SPOPL: variants seen among roughly 807,000 people sequenced by gnomAD.
The protein encoded by SPOPL is speckle type BTB/POZ protein like, also known as speckle-type POZ protein-like.
In SPOPL, 23 loss-of-function variants were observed where a neutral mutation model predicts 53.8. The ratio of observed to expected loss-of-function variants is 0.43; its 90% confidence interval spans 0.31 to 0.61. SPOPL has a LOEUF of 0.61. Among genes scored for constraint, SPOPL ranks in the 20% least tolerant of loss-of-function variants. SPOPL has a pLI of 0.12. For missense variants in SPOPL, 442 were observed against 466.9 expected (o/e 0.95, Z 0.49); for synonymous variants, 164 against 149.7 (o/e 1.10, Z -0.70).
intron 1 of SPOPL, among the ~76,000 whole-genome samples, chr2:138,511,742 G>A (rs1055348149): frequency 1.3e-5 from 2 of 152,110 alleles, no homozygotes; most frequent in African/African-American, 4.8e-5. Context: ...CTTGTTTTGT[G>A]GTTGTCACTC....
intron 5 of SPOPL, among the ~76,000 whole-genome samples, 192 bp from the exon 6 acceptor site, chr2:138,558,830 A>G (rs540633887): frequency 1.3e-5 from 2 of 152,104 alleles, no homozygotes; most frequent in Non-Finnish European, 2.9e-5. Context: ...AAAAAGATCT[A>G]TATTTCTAAT....
At chr2:138,564,584 A>G (rs566394727) in intron 8 of SPOPL, 124 bp from the exon 9 acceptor site, 26 of 1,128,698 alleles carry the variant, frequency 2.3e-5, no homozygotes, top group Non-Finnish European at 3.2e-5. Flanking sequence ...AGTAACTTAA[A>G]GAATTTTAAA....
At chr2:138,560,619 T>C in intron 7 of SPOPL, among the ~76,000 whole-genome samples, 186 bp from the exon 8 acceptor site, 1 of 152,146 alleles carries the variant, frequency 6.6e-6, no homozygotes, top group Non-Finnish European at 1.5e-5. Flanking sequence ...TTTGCCGAAG[T>C]ACTTAATGAA....
At chr2:138,516,591 T>C (rs1160137695) in intron 1 of SPOPL, among the ~76,000 whole-genome samples, 2 of 151,994 alleles carry the variant, frequency 1.3e-5, no homozygotes, top group African/African-American at 4.8e-5. Context: ...ATGATAGAAA[T>C]AGTGAAGAAA....
chr2:138,514,003 A>G (rs1198920320), intron 1 of SPOPL, among the ~76,000 whole-genome samples: 3 of 152,116 alleles, frequency 2.0e-5, no homozygotes, highest in Non-Finnish European at 2.9e-5. Context: ...GTAACATGCA[A>G]AGACATGCAC....
chr2:138,552,071 A>C (rs962970430), intron 4 of SPOPL, among the ~76,000 whole-genome samples: 5 of 152,036 alleles, frequency 3.3e-5, no homozygotes, highest in African/African-American at 1.2e-4. Flanking sequence ...TAGTTGAATA[A>C]AAAATCGGTG....
In SPOPL at chr2:138,564,728, G is replaced by A. The variant is rs2104906012; in HGVS notation, c.858G>A (p.Lys286=). The A allele has an allele frequency of 6.2e-7, 1 of 1,614,124 alleles. No individual in the cohort carries two copies. Among genetic ancestry groups the A allele is most frequent in the Non-Finnish European group, 8.5e-7 (1 of 1,179,998 alleles). ...GATAGTATGCACTGGAACGGCTGAA[G>A]GTCATGTGCGAAGAAGCTTTGTGTA... The part of the protein sequence containing the change: ...AADKYALERL[K]VMCEEALCSN... The change falls in exon 9 of 11, where the codon AAG becomes AAA. Residue 286 remains lysine (K), a synonymous_variant. Transcript: ENST00000280098.
chr2:138,523,995 G>A (rs1403346869), intron 1 of SPOPL, among the ~76,000 whole-genome samples: 4 of 152,128 alleles, frequency 2.6e-5, no homozygotes, highest in African/African-American at 9.7e-5. Context: ...TGTTGGGGGA[G>A]GGCTCTGACC....
intron 5 of SPOPL, among the ~76,000 whole-genome samples, chr2:138,554,717 G>T (rs1311184392): frequency 6.6e-6 from 1 of 152,160 alleles, no homozygotes; most frequent in African/African-American, 2.4e-5. Flanking sequence ...AAACTGGTTA[G>T]TTTAATTTAT....
At chr2:138,568,858 G>T in intron 10 of SPOPL, 78 bp from the exon 11 acceptor site, 2 of 1,491,372 alleles carry the variant, frequency 1.3e-6, no homozygotes, top group South Asian at 2.5e-5. Context: ...AAATTTGCAA[G>T]TTTTTAAGAA....
Position 138,502,087 on chromosome 2 carries a change from C to G in SPOPL, c.-93C>G, listed in dbSNP as rs1386148708. On this transcript the variant is annotated 5_prime_UTR_variant, in exon 1 of 11. Coordinates refer to ENST00000280098, the MANE Select transcript of SPOPL (RefSeq NM_001001664.3). ...CGCCTCAGCGGGAGAGGAGTCTCCA[C>G]CAGGACTGACCGCTGCCGCCCAGCA... 1 of 152,444 alleles carries G rather than the reference C, an allele frequency of 6.6e-6. No homozygotes were observed. The highest frequency in any genetic ancestry group is 2.4e-5 in the African/African-American group (1 of 41,456). The allele number at this position is 152,444 out of a possible 1,614,324, so 9.4% of individuals were successfully genotyped here. A position where few individuals can be genotyped will look rare whatever the true frequency, so the allele number is the denominator to read the frequency against.
Position 138,569,067 on chromosome 2 carries a change from T to C in SPOPL, c.1166T>C (p.Leu389Pro), listed in dbSNP as rs1553473108. ...CAGTTTGGCATTCCACGCAAACGGC[T>C]AAAACAGTCCTGAAATCTTCCATGA... ...CPQFGIPRKR[L>P]KQS Residue 389 changes from leucine (L) to proline (P), a missense_variant, in exon 11 of 11, where the codon CTA becomes CCA. By Grantham distance (98) the Leu-to-Pro change is moderately conservative (BLOSUM62 -3). Transcript: ENST00000280098. 9 of 1,613,148 alleles carry C rather than the reference T, an allele frequency of 5.6e-6. No homozygotes were observed. Among genetic ancestry groups the C allele is most frequent in the Non-Finnish European group, 6.8e-6 (8 of 1,179,798 alleles).
At chr2:138,556,805 G>T (rs1388860926) in intron 5 of SPOPL, among the ~76,000 whole-genome samples, 1 of 152,114 alleles carries the variant, frequency 6.6e-6, no homozygotes, top group East Asian at 1.9e-4. Flanking sequence ...GGTCATAATT[G>T]TGTTAATTTT....
chr2:138,542,986 C>T (rs2104884685), intron 1 of SPOPL, among the ~76,000 whole-genome samples: 1 of 152,288 alleles, frequency 6.6e-6, no homozygotes, highest in African/African-American at 2.4e-5. Flanking sequence ...ATTTATCCTT[C>T]ACTTACGAAG....
At chr2:138,544,822 C>T (rs186775283) in intron 1 of SPOPL, among the ~76,000 whole-genome samples, 4 of 152,330 alleles carry the variant, frequency 2.6e-5, no homozygotes, top group Non-Finnish European at 4.4e-5. Flanking sequence ...TCTTCTGCGT[C>T]GCTCACACTG....
intron 1 of SPOPL, among the ~76,000 whole-genome samples, chr2:138,542,598 C>T (rs1685097924): frequency 2.6e-5 from 4 of 152,120 alleles, no homozygotes; most frequent in Non-Finnish European, 4.4e-5. Context: ...ATAGATCTTC[C>T]TCCATCCCTT....
chr2:138,534,331 TA>T (rs1277445679), intron 1 of SPOPL, among the ~76,000 whole-genome samples: 1 of 152,200 alleles, frequency 6.6e-6, no homozygotes, highest in Non-Finnish European at 1.5e-5. Flanking sequence ...CAGCACAGTA[TA>T]ACAACTATTT....
At chr2:138,549,539 C>G (rs571040529) in intron 1 of SPOPL, among the ~76,000 whole-genome samples, 1 of 152,190 alleles carries the variant, frequency 6.6e-6, no homozygotes, top group South Asian at 2.1e-4. Flanking sequence ...ACAAGAACAG[C>G]TACCTGGGAG....
intron 1 of SPOPL, among the ~76,000 whole-genome samples, chr2:138,542,377 T>A (rs1463085716): frequency 6.6e-6 from 1 of 152,178 alleles, no homozygotes; most frequent in African/African-American, 2.4e-5. Context: ...TCTAAGTCTC[T>A]TTGTAGGTCT....
Sources: allele counts gnomAD v4.1 joint callset (sites outside exome capture counted in the v4.1 genomes callset), GRCh38; gene constraint gnomAD v4.1.1; transcripts MANE v1.5; gene names NCBI Gene and HGNC (gene_info 2026-07-23, HGNC 2026-07-21).